Variants in CSRNP3 observed in about 807,000 individuals in gnomAD.
CSRNP3 encodes cysteine and serine rich nuclear protein 3, also known as cysteine/serine-rich nuclear protein 3.
Under a neutral mutation model 48.0 loss-of-function variants are expected in CSRNP3, and 12 were observed. That is an observed-to-expected ratio of 0.25 (90% CI 0.16 to 0.41). The LOEUF is 0.41. Among genes scored for constraint, CSRNP3 ranks in the 10% least tolerant of loss-of-function variants. The pLI, the probability that CSRNP3 is intolerant of heterozygous loss-of-function variation, is 1.00. For synonymous variants in CSRNP3, 263 were observed against 269.7 expected, an observed-to-expected ratio of 0.98 and a Z score of 0.24; for missense variants, 580 against 724.4, an observed-to-expected ratio of 0.80 and a Z score of 2.29.
intron 5 of CSRNP3, among the ~76,000 whole-genome samples, chr2:165,665,795 GAGAGAGAA>G (rs1233879099): frequency 6.7e-6 from 1 of 149,422 alleles, no homozygotes; most frequent in Admixed American, 6.7e-5. Flanking sequence ...GAGAGAGAGA[GAGAGAGAA>G]AGAGAGAAAG....
intron 5 of CSRNP3, among the ~76,000 whole-genome samples, chr2:165,666,193 AAGAG>A (rs1367622890): frequency 2.5e-5 from 3 of 119,586 alleles, no homozygotes; most frequent in African/African-American, 6.5e-5. Context: ...GAAGGGAGGA[AAGAG>A]AGAGAGGAAG....
At chr2:165,661,666 C>T (rs970960997) in intron 5 of CSRNP3, among the ~76,000 whole-genome samples, 6 of 152,132 alleles carry the variant, frequency 3.9e-5, no homozygotes, top group African/African-American at 1.4e-4. Flanking sequence ...ACTGGGGCAG[C>T]AGAAGGGTCA....
At chr2:165,602,149 G>T (rs1479132031) in intron 4 of CSRNP3, among the ~76,000 whole-genome samples, 1 of 152,240 alleles carries the variant, frequency 6.6e-6, no homozygotes, top group East Asian at 1.9e-4. Flanking sequence ...AGGCCAAGCT[G>T]AACACAAGAG....
chr2:165,581,297 C>T (rs1685541437), intron 3 of CSRNP3, among the ~76,000 whole-genome samples: 1 of 152,066 alleles, frequency 6.6e-6, no homozygotes. Context: ...CTGAGTACCT[C>T]CCAGCCAGAG....
chr2:165,614,065 A>G (rs1686188115), intron 4 of CSRNP3, among the ~76,000 whole-genome samples: 1 of 152,062 alleles, frequency 6.6e-6, no homozygotes, highest in Non-Finnish European at 1.5e-5. Flanking sequence ...GTCCTCTTCA[A>G]TGTCTTTCAT....
chr2:165,624,142 AAAGG>A (rs1188444372), intron 4 of CSRNP3, among the ~76,000 whole-genome samples: 3 of 152,192 alleles, frequency 2.0e-5, no homozygotes, highest in East Asian at 3.8e-4. Flanking sequence ...TAGAATTTTG[AAAGG>A]AAGGAAGGAA....
At chr2:165,605,418 G>T (rs934689400) in intron 4 of CSRNP3, among the ~76,000 whole-genome samples, 4 of 151,850 alleles carry the variant, frequency 2.6e-5, no homozygotes, top group South Asian at 2.1e-4. Context: ...TCTAAAGTAC[G>T]TAGGCCCAAA....
intron 4 of CSRNP3, among the ~76,000 whole-genome samples, chr2:165,628,018 A>G (rs1686467593): frequency 6.6e-6 from 1 of 152,230 alleles, no homozygotes; most frequent in South Asian, 2.1e-4. Context: ...CAAGCAAAAA[A>G]TTCCCATGAA....
chr2:165,608,787 A>AT (rs1453904442), intron 4 of CSRNP3, among the ~76,000 whole-genome samples: 1 of 51,888 alleles, frequency 1.9e-5, no homozygotes. Flanking sequence ...ATGTAAAAAA[A>AT]TTAAAAAAAA....
chr2:165,508,037 C>T (rs1363617109), intron 2 of CSRNP3, among the ~76,000 whole-genome samples: 2 of 151,968 alleles, frequency 1.3e-5, no homozygotes, highest in Non-Finnish European at 2.9e-5. Flanking sequence ...GCTTGATTAA[C>T]TAAAAGTTGA....
At chr2:165,538,479 A>G (rs1243484254) in intron 3 of CSRNP3, among the ~76,000 whole-genome samples, 1 of 151,742 alleles carries the variant, frequency 6.6e-6, no homozygotes, top group Non-Finnish European at 1.5e-5. Flanking sequence ...ATTCTATCCC[A>G]TTTACCCAGT....
At position 165,665,775 on chromosome 2, in the gene CSRNP3, A is replaced by AAGAGAGAGAGAGAGAGAGAG. The variant is rs10645178; in HGVS notation, c.408+7763_408+7782dup. 4.0e-3 allele frequency among the ~76,000 whole-genome samples: 520 copies of AAGAGAGAGAGAGAGAGAGAG among 131,140 alleles called. 2 individuals are homozygous for AAGAGAGAGAGAGAGAGAGAG. Among genetic ancestry groups the AAGAGAGAGAGAGAGAGAGAG allele is most frequent in the African/African-American group, 0.015 (490 of 31,916 alleles). 86.0% of individuals were successfully genotyped at this position (131,140 alleles called of 152,430 possible). A position where few individuals can be genotyped will look rare whatever the true frequency, so the allele number is the denominator to read the frequency against. ...GAGTGAGATTCTGGGAAAAGAAAGA[A>AAGAGAGAGAGAGAGAGAGAG]AGAGAGAGAGAGAGAGAGAGAGAGA... On this transcript the variant is annotated intron_variant, in intron 5 of 6. Transcript: ENST00000651982.
At chr2:165,470,924 A>G (rs1683885396) in intron 1 of CSRNP3, among the ~76,000 whole-genome samples, 1 of 151,892 alleles carries the variant, frequency 6.6e-6, no homozygotes, top group Non-Finnish European at 1.5e-5. Context: ...ATGAATCAAA[A>G]CTAATAGGAA....
At chr2:165,515,796 CCTTT>C (rs1684573933) in intron 2 of CSRNP3, among the ~76,000 whole-genome samples, 1 of 141,100 alleles carries the variant, frequency 7.1e-6, no homozygotes, top group Non-Finnish European at 1.5e-5. Flanking sequence ...TTTTTCTTTT[CCTTT>C]CTTTTTTTTT....
At chr2:165,599,338 A>AGG (rs1558946159) in intron 4 of CSRNP3, among the ~76,000 whole-genome samples, 5 of 149,944 alleles carry the variant, frequency 3.3e-5, no homozygotes, top group African/African-American at 1.2e-4. Flanking sequence ...AGGAAAAGAA[A>AGG]AAAAGAAAGA....
At chr2:165,630,049 C>G (rs1031045438) in intron 4 of CSRNP3, among the ~76,000 whole-genome samples, 2 of 152,134 alleles carry the variant, frequency 1.3e-5, no homozygotes, top group Admixed American at 1.3e-4. Context: ...AGCTTTCTTT[C>G]AAAGACTCTC....
chr2:165,546,923 C>T (rs1022812094), intron 3 of CSRNP3, among the ~76,000 whole-genome samples: 6 of 152,168 alleles, frequency 3.9e-5, no homozygotes, highest in Non-Finnish European at 5.9e-5. Flanking sequence ...CAGCTATGTT[C>T]TGATTTTCTT....
chr2:165,643,333 G>A (rs77722037), intron 4 of CSRNP3, among the ~76,000 whole-genome samples: 1,681 of 152,300 alleles, frequency 0.011, 39 homozygotes, highest in African/African-American at 0.038. Context: ...CTTGAGGGAT[G>A]AGAAAAAGTC....
intron 1 of CSRNP3, 87 bp from the exon 2 acceptor site, chr2:165,494,672 A>G (rs1684262967): frequency 1.3e-5 from 2 of 154,384 alleles, no homozygotes; most frequent in South Asian, 2.1e-4. Context: ...TCAAAAATTT[A>G]CAGCCCCCCC....
Sources: allele counts gnomAD v4.1 joint callset (sites outside exome capture counted in the v4.1 genomes callset), GRCh38; gene constraint gnomAD v4.1.1; transcripts MANE v1.5; gene names NCBI Gene and HGNC (gene_info 2026-07-23, HGNC 2026-07-21).